The following SMIM35 variants were observed in gnomAD, a reference collection of about 807,000 sequenced individuals.
The protein encoded by SMIM35 is small integral membrane protein 35, also known as TMPRSS4 antisense RNA 1 (non-protein coding).
intron 1 of SMIM35, among the ~76,000 whole-genome samples, chr11:118,071,815 G>T (rs1166210175): frequency 2.0e-4 from 30 of 152,106 alleles, no homozygotes; most frequent in Non-Finnish European, 8.8e-5. Flanking sequence ...CAAACTTTAA[G>T]GTGAATTCAA....
intron 1 of SMIM35, among the ~76,000 whole-genome samples, chr11:118,071,491 A>G (rs1307837719): frequency 1.3e-5 from 2 of 152,154 alleles, no homozygotes; most frequent in Non-Finnish European, 2.9e-5. Context: ...CCCCTGTAAA[A>G]AAGACACTGG....
chr11:118,047,307 G>A (rs1304566514), intron 1 of SMIM35, among the ~76,000 whole-genome samples: 1 of 152,252 alleles, frequency 6.6e-6, no homozygotes, highest in South Asian at 2.1e-4. Flanking sequence ...CAATTAACAA[G>A]CATTCTAGAA....
At chr11:118,068,653 AG>A (rs1180043300) in intron 1 of SMIM35, among the ~76,000 whole-genome samples, 1 of 152,206 alleles carries the variant, frequency 6.6e-6, no homozygotes, top group African/African-American at 2.4e-5. Context: ...AGGGAGGCTG[AG>A]GGAGGGTGAG....
At position 118,011,475 on chromosome 11, in the gene SMIM35, T is replaced by C. The variant is rs1342619712; in HGVS notation, c.*33+2273A>G. The stretch of plus-strand genomic sequence containing the variant: ...GGGAGGCCGAGGCGGGTGGCTCACT[T>C]GAGGTTAGGAGTTCGGGACCAGCCT... On this transcript the variant is annotated intron_variant, in intron 4 of 4. Transcript: ENST00000689828. Among the ~76,000 whole-genome samples, 7 of 152,252 alleles carry C rather than the reference T, an allele frequency of 4.6e-5. No homozygotes were observed. In the East Asian group the frequency reaches 1.2e-3, roughly 25 times the overall value.
At chr11:118,056,277 G>T (rs1421868098) in intron 1 of SMIM35, among the ~76,000 whole-genome samples, 1 of 152,176 alleles carries the variant, frequency 6.6e-6, no homozygotes, top group East Asian at 1.9e-4. Context: ...CTGGAGAGAT[G>T]ATGGGAGCCT....
intron 1 of SMIM35, among the ~76,000 whole-genome samples, chr11:118,083,568 G>T (rs1191733980): frequency 6.6e-6 from 1 of 151,978 alleles, no homozygotes; most frequent in Non-Finnish European, 1.5e-5. Flanking sequence ...TTGACTATGA[G>T]TATCTACTAT....
chr11:118,014,804 T>A (rs1489283601), intron 2 of SMIM35, 63 bp from the exon 3 acceptor site: 1 of 398,744 alleles, frequency 2.5e-6, no homozygotes, highest in East Asian at 3.6e-5. Context: ...GCCACCCTTC[T>A]AAGAACGTCT....
chr11:118,074,518 G>A (rs947147081), intron 1 of SMIM35, among the ~76,000 whole-genome samples: 3 of 152,112 alleles, frequency 2.0e-5, no homozygotes, highest in African/African-American at 7.2e-5. Flanking sequence ...AAACCAGAGC[G>A]AGTGGATCGC....
intron 4 of SMIM35, among the ~76,000 whole-genome samples, chr11:118,009,504 A>G (rs1408400977): frequency 6.6e-6 from 1 of 152,134 alleles, no homozygotes; most frequent in Non-Finnish European, 1.5e-5. Context: ...TTGGTTGGGA[A>G]TGGGCCAGAC....
In SMIM35 at chr11:118,003,798, G is replaced by A. The variant is rs1253779296; in HGVS notation, c.*2612C>T. 6.6e-6 allele frequency: 1 copy of A among 152,192 alleles called. No homozygotes were observed. Among genetic ancestry groups the A allele is most frequent in the Admixed American group, 6.5e-5 (1 of 15,274 alleles). 9.4% of individuals were successfully genotyped at this position (152,192 alleles called of 1,614,324 possible). On this transcript the variant is annotated 3_prime_UTR_variant, in exon 5 of 5. Transcript: ENST00000689828. ...ATCTGGTTATGAAGATAAACACCAA[G>A]CAAATAAACACAACAAACGTATTAC...
chr11:118,064,246 G>GT (rs1315777926), intron 1 of SMIM35, among the ~76,000 whole-genome samples: 2 of 152,274 alleles, frequency 1.3e-5, no homozygotes, highest in Middle Eastern at 3.4e-3. Flanking sequence ...TTGAGTTTGA[G>GT]TTTTTTCCTA....
chr11:118,052,139 G>A (rs933019202), intron 1 of SMIM35, among the ~76,000 whole-genome samples: 1 of 152,164 alleles, frequency 6.6e-6, no homozygotes, highest in Non-Finnish European at 1.5e-5. Context: ...GAACAATGCG[G>A]GTAGCGGGTG....
chr11:118,043,858 G>T lies in SMIM35; in HGVS notation c.8-28049C>A, dbSNP rs1365398991. 1.5e-4 allele frequency among the ~76,000 whole-genome samples: 22 copies of T among 149,760 alleles called. 1 individual carries two copies. Among genetic ancestry groups the T allele is most frequent in the Non-Finnish European group, 4.4e-5 (3 of 67,530 alleles). ...AGGTTATGGGGGGGCCAGGGGAAGTGGGGAGAAAAGGAGGGGGTTATCTTA... is the reference window on the plus strand; with the variant it reads ...AGGTTATGGGGGGGCCAGGGGAAGTTGGGAGAAAAGGAGGGGGTTATCTTA... On this transcript the variant is annotated intron_variant, in intron 1 of 4. Transcript: ENST00000689828.
chr11:118,007,413 T>C (rs1448039731), intron 4 of SMIM35, among the ~76,000 whole-genome samples: 1 of 152,164 alleles, frequency 6.6e-6, no homozygotes, highest in Non-Finnish European at 1.5e-5. Flanking sequence ...CTTTTTTTTT[T>C]TGAGACTGAG....
At chr11:118,039,108 G>A (rs1321684559) in intron 1 of SMIM35, among the ~76,000 whole-genome samples, 4 of 152,162 alleles carry the variant, frequency 2.6e-5, no homozygotes, top group Non-Finnish European at 1.5e-5. Flanking sequence ...ATGACCAAAT[G>A]TGCCCTTTCT....
In SMIM35 at chr11:118,063,716, G is replaced by C. The variant is rs1405715525; in HGVS notation, c.7+23035C>G. Among the ~76,000 whole-genome samples, 3 of 152,126 alleles carry C rather than the reference G, an allele frequency of 2.0e-5. No individual in the cohort carries two copies. The East Asian group carries it at 5.8e-4, about 29-fold the overall frequency. On this transcript the variant is annotated intron_variant, in intron 1 of 4. Coordinates refer to ENST00000689828, the MANE Select transcript of SMIM35 (RefSeq NM_001394165.1). ...GTAAGTTGATCACCAATGGCCCGTG[G>C]CTTAATTAATCATGCTTATGTAACG...
At chr11:118,034,204 TGGA>T (rs2058340671) in intron 1 of SMIM35, among the ~76,000 whole-genome samples, 1 of 133,066 alleles carries the variant, frequency 7.5e-6, no homozygotes, top group African/African-American at 2.7e-5. Flanking sequence ...AGTAGATGGA[TGGA>T]GGTTGCAGTG....
chr11:118,086,209 A>G (rs898341705), intron 1 of SMIM35, among the ~76,000 whole-genome samples: 3 of 152,250 alleles, frequency 2.0e-5, no homozygotes, highest in Non-Finnish European at 4.4e-5. Flanking sequence ...ATCTGAACCT[A>G]AGAGCTATGC....
chr11:118,026,259 A>T (rs1334160459), intron 1 of SMIM35, among the ~76,000 whole-genome samples: 1 of 152,228 alleles, frequency 6.6e-6, no homozygotes, highest in Non-Finnish European at 1.5e-5. Flanking sequence ...TTTTAGAACT[A>T]AACATAGAAA....
Sources: gnomAD v4.1 joint callset for allele counts (sites outside exome capture counted in the v4.1 genomes callset) on GRCh38, gnomAD v4.1.1 for gene constraint, MANE v1.5 for transcripts, NCBI Gene and HGNC (gene_info 2026-07-23, HGNC 2026-07-21) for gene names.